Variants in UGGT2 observed in about 807,000 individuals in gnomAD.
UGGT2 encodes the protein UDP-glucose glycoprotein glucosyltransferase 2.
In UGGT2, 180 loss-of-function variants were observed where a neutral mutation model predicts 192.1. The observed-to-expected ratio is 0.94, with a 90% confidence interval of 0.83 to 1.06. The LOEUF (loss-of-function observed/expected upper bound fraction) is 1.06. UGGT2 is among the 50% of genes least tolerant of loss of function. The probability of loss-of-function intolerance (pLI) is 0.00; values close to 1 mark genes in which losing one functional copy is unlikely to be tolerated. For missense variants in UGGT2, 1,849 were observed against 1,795.7 expected (o/e 1.03, Z -0.54); for synonymous variants, 580 against 591.0 (o/e 0.98, Z 0.27).
chr13:96,009,336 A>G (rs1376850186), intron 5 of UGGT2, among the ~76,000 whole-genome samples: 1 of 152,188 alleles, frequency 6.6e-6, no homozygotes, highest in African/African-American at 2.4e-5. Context: ...ACAAAAATTG[A>G]CAAATGGGAC....
intron 37 of UGGT2, among the ~76,000 whole-genome samples, chr13:95,835,401 T>C (rs1887171564): frequency 6.6e-6 from 1 of 152,230 alleles, no homozygotes; most frequent in Non-Finnish European, 1.5e-5. Flanking sequence ...CACTACTGTA[T>C]GAGCCACAAC....
chr13:95,814,187 G>A (rs962639926), intron 38 of UGGT2, among the ~76,000 whole-genome samples: 1 of 152,206 alleles, frequency 6.6e-6, no homozygotes, highest in Non-Finnish European at 1.5e-5. Context: ...GCTATGAGAA[G>A]AGGGCCACTG....
At chr13:95,924,173 A>C (rs1432901379) in intron 20 of UGGT2, among the ~76,000 whole-genome samples, 1 of 152,168 alleles carries the variant, frequency 6.6e-6, no homozygotes, top group Non-Finnish European at 1.5e-5. Context: ...GAAAATAATC[A>C]TCCATCCTAT....
At chr13:95,819,315 T>C (rs1885247954) in intron 38 of UGGT2, among the ~76,000 whole-genome samples, 1 of 152,158 alleles carries the variant, frequency 6.6e-6, no homozygotes, top group South Asian at 2.1e-4. Context: ...TTTCTCCCTT[T>C]CTATTTTTTG....
At chr13:95,903,585 C>T (rs2048176537) in intron 20 of UGGT2, among the ~76,000 whole-genome samples, 2 of 147,738 alleles carry the variant, frequency 1.4e-5, no homozygotes, top group African/African-American at 4.9e-5. Context: ...TGGAGTCATG[C>T]AGTATTATTT....
intron 27 of UGGT2, among the ~76,000 whole-genome samples, chr13:95,878,790 C>G (rs2047412950): frequency 6.6e-6 from 1 of 152,084 alleles, no homozygotes; most frequent in South Asian, 2.1e-4. Context: ...AGTTGTTTTC[C>G]TTGACTGCAA....
At chr13:95,847,462 C>T (rs956649987) in intron 36 of UGGT2, among the ~76,000 whole-genome samples, 19 of 152,310 alleles carry the variant, frequency 1.2e-4, no homozygotes, top group Middle Eastern at 3.4e-3. Context: ...CACTTGCCCC[C>T]TCCCTGCCAC....
chr13:95,952,055 C>CAAA (rs34833403), intron 12 of UGGT2, among the ~76,000 whole-genome samples: 59,426 of 143,194 alleles, frequency 0.42, 12,005 homozygotes, highest in Middle Eastern at 0.46. Context: ...GAGACTGTCT[C>CAAA]AAAAAAAAAA....
intron 7 of UGGT2, chr13:95,990,683 T>C (rs933984216): frequency 1.3e-5 from 2 of 152,128 alleles, no homozygotes; most frequent in African/African-American, 4.8e-5. Context: ...AATGGAGAAA[T>C]ACAATTTAAA....
At chr13:95,996,258 T>G in intron 6 of UGGT2, 123 bp from the exon 7 acceptor site, 1 of 775,318 alleles carries the variant, frequency 1.3e-6, no homozygotes, top group Non-Finnish European at 2.2e-6. Flanking sequence ...TCCCAGCACT[T>G]TGGGAGGCCG....
chr13:96,052,705 T>A (rs1029739638), intron 1 of UGGT2, among the ~76,000 whole-genome samples: 1 of 152,184 alleles, frequency 6.6e-6, no homozygotes, highest in African/African-American at 2.4e-5. Context: ...ATGAACTAAT[T>A]CCGTTGGAAG....
At chr13:95,817,611 C>A (rs934523251) in intron 38 of UGGT2, among the ~76,000 whole-genome samples, 1 of 152,008 alleles carries the variant, frequency 6.6e-6, no homozygotes, top group African/African-American at 2.4e-5. Context: ...AGGAAAAAAA[C>A]CACAATGTAA....
At chr13:95,912,895 G>A (rs2048550270) in intron 20 of UGGT2, among the ~76,000 whole-genome samples, 3 of 152,314 alleles carry the variant, frequency 2.0e-5, no homozygotes, top group South Asian at 4.1e-4. Context: ...CAGAGGTATA[G>A]ACCAATGGAA....
Position 95,936,940 on chromosome 13 carries a change from T to C in UGGT2, c.1961A>G (p.Gln654Arg), listed in dbSNP as rs751360083. The change falls in exon 17 of 39, where the codon CAA (glutamine) becomes CGA (arginine). Residue 654 changes from glutamine (Q) to arginine (R), a missense_variant. Gln to Arg is a conservative substitution (Grantham distance 43). Transcript: ENST00000376747. ...QRMMDASVYLQREVFLGTLND... is the reference protein window; with the variant it reads ...QRMMDASVYLRREVFLGTLND... ...CTTACCTACCAAAAAAACTTCTCTT[T>C]GTAAATATACAGATGCATCCATCAT... 2 of 1,542,712 alleles carry C rather than the reference T, an allele frequency of 1.3e-6. No homozygotes were observed. Among genetic ancestry groups the C allele is most frequent in the Non-Finnish European group, 1.7e-6 (2 of 1,152,658 alleles).
chr13:95,897,782 T>A (rs2047988827), intron 22 of UGGT2, among the ~76,000 whole-genome samples: 1 of 152,216 alleles, frequency 6.6e-6, no homozygotes, highest in Admixed American at 6.5e-5. Context: ...AAAGGATAAT[T>A]GAAATTACAT....
intron 13 of UGGT2, among the ~76,000 whole-genome samples, chr13:95,948,778 G>A (rs951049505): frequency 2.6e-5 from 4 of 152,178 alleles, no homozygotes; most frequent in Non-Finnish European, 5.9e-5. Context: ...GGGCTAAAGA[G>A]TAAGAGGCAG....
chr13:95,956,921 A>T (rs908322317), intron 12 of UGGT2, among the ~76,000 whole-genome samples: 1 of 152,250 alleles, frequency 6.6e-6, no homozygotes, highest in African/African-American at 2.4e-5. Flanking sequence ...AAAAGTTAGC[A>T]GCAGTGTAAA....
chr13:95,865,120 T>C (rs4347496), intron 30 of UGGT2, among the ~76,000 whole-genome samples: 128,386 of 152,138 alleles, frequency 0.84, 54,433 homozygotes, highest in East Asian at 0.93. Flanking sequence ...TTTCATTCAT[T>C]CTACTTCGTA....
chr13:95,904,451 C>A (rs1023408424), intron 20 of UGGT2, among the ~76,000 whole-genome samples: 1 of 129,086 alleles, frequency 7.7e-6, no homozygotes, highest in Non-Finnish European at 1.6e-5. Flanking sequence ...CCCCTCCCCC[C>A]CACCCCACAA....
Sources: allele counts gnomAD v4.1 joint callset (sites outside exome capture counted in the v4.1 genomes callset), GRCh38; gene constraint gnomAD v4.1.1; transcripts MANE v1.5; gene names NCBI Gene and HGNC (gene_info 2026-07-23, HGNC 2026-07-21).